TRAPPC9: variants seen among roughly 807,000 people sequenced by gnomAD.
TRAPPC9 encodes the protein trafficking protein particle complex subunit 9.
In TRAPPC9, 83 loss-of-function variants were observed where a neutral mutation model predicts 124.0. That is an observed-to-expected ratio of 0.67 (90% CI 0.56 to 0.80). TRAPPC9 has a LOEUF of 0.80. TRAPPC9 is among the 30% of genes least tolerant of loss of function. The probability of loss-of-function intolerance (pLI) is 0.00; values close to 1 mark genes in which losing one functional copy is unlikely to be tolerated. For synonymous variants in TRAPPC9, 638 were observed against 617.5 expected (o/e 1.03, Z -0.49); for missense variants, 1,302 against 1,508.3 (o/e 0.86, Z 2.27).
At position 140,372,127 on chromosome 8, in the gene TRAPPC9, C is replaced by T. The variant is rs570235695; in HGVS notation, c.1135-947G>A. On this transcript the variant is annotated intron_variant, in intron 7 of 22. Coordinates refer to ENST00000438773, the MANE Select transcript of TRAPPC9 (RefSeq NM_001160372.4). ...AACAGCTCAGGGACACATTAATCAC[C>T]TGTGCAAAATCACACAGCCAAGAAG... is the stretch of plus-strand genomic sequence containing the variant. Among the ~76,000 whole-genome samples, 3 of 152,372 alleles carry T rather than the reference C, an allele frequency of 2.0e-5. No homozygotes were observed. In the East Asian group the frequency reaches 5.8e-4, roughly 29 times the overall value.
intron 21 of TRAPPC9, among the ~76,000 whole-genome samples, chr8:139,860,147 C>T (rs1477206325): frequency 1.3e-5 from 2 of 152,156 alleles, no homozygotes; most frequent in Admixed American, 6.5e-5. Context: ...AGTGAATAAA[C>T]AGTTGAATAA....
chr8:139,854,568 C>T (rs572428281), intron 21 of TRAPPC9, among the ~76,000 whole-genome samples: 16 of 152,360 alleles, frequency 1.1e-4, no homozygotes, highest in African/African-American at 3.8e-4. Flanking sequence ...GGTTCCTCCA[C>T]TTCCAGCTAT....
chr8:139,909,983 A>G (rs545929444), intron 20 of TRAPPC9, among the ~76,000 whole-genome samples, 164 bp downstream of exon 20: 1 of 152,264 alleles, frequency 6.6e-6, no homozygotes, highest in South Asian at 2.1e-4. Flanking sequence ...AAGTGTTAAG[A>G]GGTTAAGGAA....
At chr8:140,219,230 T>C (rs1422811674) in intron 17 of TRAPPC9, among the ~76,000 whole-genome samples, 1 of 152,122 alleles carries the variant, frequency 6.6e-6, no homozygotes, top group East Asian at 1.9e-4. Flanking sequence ...TGCAGCACAC[T>C]CGGCGATCAT....
At chr8:140,399,691 G>C (rs1418146605) in intron 6 of TRAPPC9, among the ~76,000 whole-genome samples, 1 of 152,204 alleles carries the variant, frequency 6.6e-6, no homozygotes, top group Non-Finnish European at 1.5e-5. Context: ...TAGGCAGAAG[G>C]GACTTGCCTT....
chr8:140,135,293 T>C (rs571802516), intron 17 of TRAPPC9, among the ~76,000 whole-genome samples: 38 of 152,304 alleles, frequency 2.5e-4, no homozygotes, highest in African/African-American at 7.9e-4. Context: ...TCGTAAGTCA[T>C]AGAAACTCCA....
intron 20 of TRAPPC9, among the ~76,000 whole-genome samples, chr8:139,888,901 C>T (rs188878163): frequency 6.6e-6 from 1 of 152,310 alleles, no homozygotes; most frequent in Non-Finnish European, 1.5e-5. Flanking sequence ...ACCCAACAGA[C>T]AGTCTTTTCA....
intron 20 of TRAPPC9, among the ~76,000 whole-genome samples, chr8:139,909,169 A>G (rs1182379678): frequency 2.0e-5 from 3 of 152,230 alleles, no homozygotes; most frequent in African/African-American, 7.2e-5. Context: ...CAACGTGTGT[A>G]TCCCCATATC....
At chr8:140,283,212 T>C (rs986180515) in intron 14 of TRAPPC9, among the ~76,000 whole-genome samples, 23 of 151,310 alleles carry the variant, frequency 1.5e-4, no homozygotes, top group African/African-American at 5.1e-4. Flanking sequence ...CACTCCAGCC[T>C]GGGTGACAGA....
chr8:139,751,729 GCATCCATCCATCCATC>G (rs113980054), intron 21 of TRAPPC9, among the ~76,000 whole-genome samples: 1 of 146,386 alleles, frequency 6.8e-6, no homozygotes, highest in African/African-American at 2.5e-5. Context: ...CATCCATCCA[GCATCCATCCATCCATC>G]CATCCATCCT....
At position 140,284,165 on chromosome 8, in the gene TRAPPC9, A is replaced by G. The variant is rs560264244; in HGVS notation, c.1982-144T>C. The G allele has an allele frequency of 7.1e-6, 7 of 992,150 alleles. No homozygotes were observed. The African/African-American group carries it at 1.1e-4, about 16-fold the overall frequency. The allele number at this position is 992,150 out of a possible 1,614,324, so 61.5% of individuals were successfully genotyped here. ...CCGGGGCCCGCCGGCGCTCACCCACACTCCCGCCCTCAACCCCACGACCCT... is the reference window on the plus strand; with the variant it reads ...CCGGGGCCCGCCGGCGCTCACCCACGCTCCCGCCCTCAACCCCACGACCCT... On this transcript the variant is annotated intron_variant, in intron 13 of 22. Transcript: ENST00000438773.
chr8:140,323,126 T>C (rs1420990913), intron 9 of TRAPPC9, among the ~76,000 whole-genome samples: 1 of 152,142 alleles, frequency 6.6e-6, no homozygotes, highest in Admixed American at 6.5e-5. Context: ...TAACGAGTCA[T>C]GGCTATGTCA....
chr8:139,802,055 T>C (rs923337177), intron 21 of TRAPPC9, among the ~76,000 whole-genome samples: 1 of 152,224 alleles, frequency 6.6e-6, no homozygotes, highest in African/African-American at 2.4e-5. Context: ...AGCTTGATTT[T>C]CTAGCTCTGG....
intron 19 of TRAPPC9, among the ~76,000 whole-genome samples, chr8:139,945,078 C>G (rs966352597): frequency 5.9e-5 from 9 of 152,168 alleles, no homozygotes; most frequent in Non-Finnish European, 5.9e-5. Context: ...GAGCCAAGAT[C>G]ATGCCATTGT....
At chr8:140,388,767 G>C (rs1420858227) in intron 7 of TRAPPC9, among the ~76,000 whole-genome samples, 1 of 149,896 alleles carries the variant, frequency 6.7e-6, no homozygotes, top group African/African-American at 2.5e-5. Context: ...AGAATTGCTT[G>C]AACCTGGGAG....
chr8:139,841,545 C>T (rs1050685580), intron 21 of TRAPPC9, among the ~76,000 whole-genome samples: 4 of 152,258 alleles, frequency 2.6e-5, no homozygotes, highest in Non-Finnish European at 4.4e-5. Flanking sequence ...GTCAACACAC[C>T]TGCCGAGTGC....
intron 20 of TRAPPC9, among the ~76,000 whole-genome samples, chr8:139,899,774 A>T (rs1830905994): frequency 6.6e-6 from 1 of 152,172 alleles, no homozygotes; most frequent in Non-Finnish European, 1.5e-5. Flanking sequence ...CCTACACACC[A>T]GCAAGAATCC....
chr8:140,082,351 A>G (rs1459932397), intron 17 of TRAPPC9, among the ~76,000 whole-genome samples: 1 of 152,148 alleles, frequency 6.6e-6, no homozygotes, highest in Non-Finnish European at 1.5e-5. Context: ...TAAAGTGTGG[A>G]ATCATTTTTT....
chr8:139,786,566 C>T (rs1822268659), intron 21 of TRAPPC9, among the ~76,000 whole-genome samples: 1 of 152,140 alleles, frequency 6.6e-6, no homozygotes, highest in Non-Finnish European at 1.5e-5. Context: ...GGCAGTTACT[C>T]CAAATAAATG....
Sources: allele counts gnomAD v4.1 joint callset (sites outside exome capture counted in the v4.1 genomes callset), GRCh38; gene constraint gnomAD v4.1.1; transcripts MANE v1.5; gene names NCBI Gene and HGNC (gene_info 2026-07-23, HGNC 2026-07-21).